SPOCK1: variants seen among roughly 807,000 people sequenced by gnomAD.
SPOCK1 encodes the protein testican-1.
A neutral mutation model predicts 55.3 loss-of-function variants in SPOCK1; 23 were observed. The observed-to-expected ratio is 0.42, with a 90% CI of 0.30 to 0.59. The LOEUF is 0.59. Among genes scored for constraint, SPOCK1 ranks in the 20% least tolerant of loss-of-function variants. The pLI is 0.22. For missense variants in SPOCK1, 499 were observed against 552.5 expected (o/e 0.90, Z 0.97); for synonymous variants, 226 against 221.0 (o/e 1.02, Z -0.20).
intron 3 of SPOCK1, among the ~76,000 whole-genome samples, chr5:137,255,440 T>C (rs1413377882): frequency 6.6e-6 from 1 of 152,264 alleles, no homozygotes; most frequent in African/African-American, 2.4e-5. Context: ...GCTATGCCTT[T>C]AATTTACTTA....
chr5:137,168,263 G>T (rs1364242721), intron 3 of SPOCK1, among the ~76,000 whole-genome samples: 1 of 152,036 alleles, frequency 6.6e-6, no homozygotes, highest in Non-Finnish European at 1.5e-5. Flanking sequence ...ACTACTAGGA[G>T]AAAACATTGG....
intron 3 of SPOCK1, among the ~76,000 whole-genome samples, chr5:137,259,364 T>A (rs1489828938): frequency 1.3e-5 from 2 of 152,120 alleles, no homozygotes; most frequent in Non-Finnish European, 2.9e-5. Flanking sequence ...CTGGAAACCA[T>A]CATTCTCAGC....
At chr5:137,193,961 G>A (rs983735860) in intron 3 of SPOCK1, among the ~76,000 whole-genome samples, 3 of 150,244 alleles carry the variant, frequency 2.0e-5, no homozygotes, top group East Asian at 1.9e-4. Flanking sequence ...GAGAGATGAC[G>A]TGGCAATCAT....
intron 5 of SPOCK1, among the ~76,000 whole-genome samples, chr5:137,087,392 C>A (rs1752978457): frequency 6.6e-6 from 1 of 152,218 alleles, no homozygotes; most frequent in Admixed American, 6.5e-5. Context: ...CCACTGACAT[C>A]TTTGGGGTTG....
intron 3 of SPOCK1, among the ~76,000 whole-genome samples, chr5:137,178,320 T>C (rs1400540750): frequency 1.3e-5 from 2 of 152,248 alleles, no homozygotes; most frequent in South Asian, 4.1e-4. Flanking sequence ...GAACAAGGGA[T>C]AGAATTTCCC....
At chr5:137,321,917 C>G (rs1441644566) in intron 2 of SPOCK1, among the ~76,000 whole-genome samples, 3 of 151,708 alleles carry the variant, frequency 2.0e-5, no homozygotes, top group Non-Finnish European at 2.9e-5. Context: ...ATTTGTGTGT[C>G]TGTGTTTTTC....
chr5:137,345,175 T>G (rs1453846586), intron 2 of SPOCK1, among the ~76,000 whole-genome samples: 1 of 152,226 alleles, frequency 6.6e-6, no homozygotes, highest in Non-Finnish European at 1.5e-5. Context: ...ATGGAATTGT[T>G]TGGAGCCAAG....
At chr5:137,002,270 A>G (rs1014668690) in intron 6 of SPOCK1, among the ~76,000 whole-genome samples, 13 of 152,204 alleles carry the variant, frequency 8.5e-5, no homozygotes, top group African/African-American at 3.1e-4. Flanking sequence ...TGATTTGAGG[A>G]GACTTTAATG....
At chr5:137,298,766 G>A (rs1221685734) in intron 2 of SPOCK1, among the ~76,000 whole-genome samples, 1 of 152,044 alleles carries the variant, frequency 6.6e-6, no homozygotes, top group Non-Finnish European at 1.5e-5. Context: ...GTGTTAATAT[G>A]CCTTCTTTTA....
chr5:137,264,746 G>A (rs925369871), intron 3 of SPOCK1, among the ~76,000 whole-genome samples: 2 of 152,100 alleles, frequency 1.3e-5, no homozygotes, highest in African/African-American at 4.8e-5. Flanking sequence ...CATGCCTGTG[G>A]TTTATATTTC....
At chr5:137,189,167 G>C (rs1030855751) in intron 3 of SPOCK1, among the ~76,000 whole-genome samples, 1 of 150,890 alleles carries the variant, frequency 6.6e-6, no homozygotes, top group African/African-American at 2.5e-5. Context: ...GAAGCTGCAA[G>C]TTATCCAGAA....
intron 6 of SPOCK1, among the ~76,000 whole-genome samples, chr5:137,018,363 C>G (rs1019330802): frequency 1.3e-5 from 2 of 152,202 alleles, no homozygotes; most frequent in Non-Finnish European, 2.9e-5. Context: ...AACGTGGAAC[C>G]ATCACTGGGT....
intron 2 of SPOCK1, among the ~76,000 whole-genome samples, chr5:137,473,946 C>T (rs1456565922): frequency 3.3e-5 from 5 of 152,136 alleles, no homozygotes; most frequent in African/African-American, 9.7e-5. Flanking sequence ...TGCAGTGACC[C>T]GTATGAGATT....
At chr5:137,454,520 G>A (rs1753323726) in intron 2 of SPOCK1, among the ~76,000 whole-genome samples, 1 of 152,150 alleles carries the variant, frequency 6.6e-6, no homozygotes, top group Non-Finnish European at 1.5e-5. Flanking sequence ...GGCTGGAGGG[G>A]AGGGGGGAAC....
At chr5:137,256,634 A>G (rs961173195) in intron 3 of SPOCK1, among the ~76,000 whole-genome samples, 2 of 152,152 alleles carry the variant, frequency 1.3e-5, no homozygotes, top group Non-Finnish European at 2.9e-5. Flanking sequence ...TGTTTCCAAC[A>G]CATGCTTGTG....
intron 2 of SPOCK1, among the ~76,000 whole-genome samples, chr5:137,483,089 T>C (rs1580952211): frequency 2.0e-5 from 3 of 152,218 alleles, no homozygotes; most frequent in East Asian, 3.9e-4. Context: ...TCCCAGCACT[T>C]TGGAAGGCCG....
intron 2 of SPOCK1, among the ~76,000 whole-genome samples, chr5:137,307,378 T>C (rs1757716303): frequency 6.6e-6 from 1 of 152,222 alleles, no homozygotes; most frequent in Non-Finnish European, 1.5e-5. Context: ...GTTTATGCTC[T>C]CAGCCAGGGA....
At chr5:137,356,873 A>AGAGAGTGT (rs796667572) in intron 2 of SPOCK1, among the ~76,000 whole-genome samples, 1 of 69,824 alleles carries the variant, frequency 1.4e-5, no homozygotes, top group Non-Finnish European at 2.7e-5. Flanking sequence ...AGAGAGAGAG[A>AGAGAGTGT]GAGTATGCAG....
chr5:137,160,593 AAT>A (rs1554100837), intron 3 of SPOCK1, among the ~76,000 whole-genome samples: 1 of 71,054 alleles, frequency 1.4e-5, no homozygotes, highest in African/African-American at 5.6e-5. Flanking sequence ...TATAATATAT[AAT>A]ATATTATATA....
Sources: gnomAD v4.1 joint callset for allele counts (sites outside exome capture counted in the v4.1 genomes callset) on GRCh38, gnomAD v4.1.1 for gene constraint, MANE v1.5 for transcripts, NCBI Gene and HGNC (gene_info 2026-07-23, HGNC 2026-07-21) for gene names.